Variants in NALF1 observed in about 807,000 individuals in gnomAD.
The protein encoded by NALF1 is family with sequence similarity 155 member A.
A neutral mutation model predicts 48.4 loss-of-function variants in NALF1; 3 were observed. That is an observed-to-expected ratio of 0.06 (90% confidence interval 0.03 to 0.16). NALF1 has a LOEUF of 0.16. NALF1 is among the 10% of genes least tolerant of loss of function. The probability of loss-of-function intolerance (pLI) is 1.00; values close to 1 mark genes in which losing one functional copy is unlikely to be tolerated. For synonymous variants in NALF1, 262 were observed against 245.7 expected (o/e 1.07, Z -0.62); for missense variants, 526 against 571.5 (o/e 0.92, Z 0.81).
Position 107,586,635 on chromosome 13 carries a change from A to ATTTTTTTTTTTTTTTTTTTTTTTTTT in NALF1, c.915+279046_915+279047insAAAAAAAAAAAAAAAAAAAAAAAAAA, listed in dbSNP as rs61429641. 5.0e-3 allele frequency among the ~76,000 whole-genome samples: 467 copies of ATTTTTTTTTTTTTTTTTTTTTTTTTT among 93,040 alleles called. 98 individuals carry two copies. Among genetic ancestry groups the ATTTTTTTTTTTTTTTTTTTTTTTTTT allele is most frequent in the East Asian group, 0.011 (43 of 3,742 alleles). 61.0% of individuals were successfully genotyped at this position (93,040 alleles called of 152,430 possible). ...CTACATTTAAAGCTCCCCTATGGAG[A>ATTTTTTTTTTTTTTTTTTTTTTTTTT]TTTTTTTTTTTTTTGCTAGGAATGA... On this transcript the variant is annotated intron_variant, in intron 1 of 2. Coordinates refer to ENST00000375915, the MANE Select transcript of NALF1 (RefSeq NM_001080396.3).
intron 1 of NALF1, among the ~76,000 whole-genome samples, chr13:107,321,364 A>G (rs1342651002): frequency 6.6e-6 from 1 of 152,120 alleles, no homozygotes; most frequent in Non-Finnish European, 1.5e-5. Flanking sequence ...GATATTGAGT[A>G]TTAATCATTT....
intron 1 of NALF1, among the ~76,000 whole-genome samples, chr13:107,719,034 G>A (rs1875904727): frequency 2.0e-5 from 3 of 152,298 alleles, no homozygotes; most frequent in Admixed American, 6.5e-5. Context: ...AGTTTCAACT[G>A]CTTGTATTTG....
chr13:107,311,474 T>A (rs2138904232), intron 1 of NALF1, among the ~76,000 whole-genome samples: 1 of 152,132 alleles, frequency 6.6e-6, no homozygotes. Flanking sequence ...GTTTACTGGC[T>A]TAGATGTAAA....
chr13:107,441,287 T>C (rs944239285), intron 1 of NALF1, among the ~76,000 whole-genome samples: 2 of 152,168 alleles, frequency 1.3e-5, no homozygotes, highest in Admixed American at 1.3e-4. Context: ...ACCTGAAGTA[T>C]GTAAGTCAAT....
intron 1 of NALF1, among the ~76,000 whole-genome samples, chr13:107,348,601 A>AC (rs1175433164): frequency 6.2e-5 from 8 of 128,838 alleles, no homozygotes; most frequent in Admixed American, 1.6e-4. Context: ...CTTACCTCCC[A>AC]CCCCCCGGCA....
chr13:107,592,794 T>C (rs1256007594), intron 1 of NALF1, among the ~76,000 whole-genome samples: 2 of 151,922 alleles, frequency 1.3e-5, no homozygotes, highest in Non-Finnish European at 2.9e-5. Context: ...TTTAACAGCA[T>C]TTGTAGTTAC....
At chr13:107,535,773 A>G (rs1229156327) in intron 1 of NALF1, among the ~76,000 whole-genome samples, 1 of 152,208 alleles carries the variant, frequency 6.6e-6, no homozygotes, top group African/African-American at 2.4e-5. Flanking sequence ...TGCCAAGACA[A>G]TCCTAAGCCA....
chr13:107,804,948 G>T (rs1419229436), intron 1 of NALF1, among the ~76,000 whole-genome samples: 2 of 152,144 alleles, frequency 1.3e-5, no homozygotes, highest in African/African-American at 2.4e-5. Flanking sequence ...TAATTATTTT[G>T]CTTCAAATTA....
At chr13:107,204,252 C>G (rs1444831685) in intron 2 of NALF1, among the ~76,000 whole-genome samples, 4 of 151,786 alleles carry the variant, frequency 2.6e-5, no homozygotes, top group South Asian at 2.1e-4. Context: ...CCCACACAGA[C>G]AAGCGTAAAA....
At chr13:107,352,815 C>G (rs745990939) in intron 1 of NALF1, among the ~76,000 whole-genome samples, 13 of 152,088 alleles carry the variant, frequency 8.5e-5, no homozygotes, top group Non-Finnish European at 1.3e-4. Context: ...AAGAAGAGAC[C>G]TTTTCTTTGA....
intron 1 of NALF1, among the ~76,000 whole-genome samples, chr13:107,665,762 G>A (rs977115964): frequency 6.6e-6 from 1 of 152,002 alleles, no homozygotes; most frequent in Non-Finnish European, 1.5e-5. Flanking sequence ...AATATGAGGG[G>A]ACTTCAAAAA....
At chr13:107,663,581 T>C (rs1304659484) in intron 1 of NALF1, among the ~76,000 whole-genome samples, 1 of 152,206 alleles carries the variant, frequency 6.6e-6, no homozygotes, top group Non-Finnish European at 1.5e-5. Flanking sequence ...GATTTTAATA[T>C]CTCATACCAC....
At chr13:107,241,841 T>C (rs1174488671) in intron 1 of NALF1, among the ~76,000 whole-genome samples, 1 of 152,190 alleles carries the variant, frequency 6.6e-6, no homozygotes, top group East Asian at 1.9e-4. Context: ...TATGAAGTGC[T>C]GTGCAGAGCA....
At chr13:107,406,026 A>T (rs1182335558) in intron 1 of NALF1, among the ~76,000 whole-genome samples, 3 of 152,028 alleles carry the variant, frequency 2.0e-5, no homozygotes, top group African/African-American at 7.2e-5. Flanking sequence ...CGTGGTGCCT[A>T]TCTCTCAGAC....
chr13:107,794,831 G>A (rs1168209562), intron 1 of NALF1, among the ~76,000 whole-genome samples: 1 of 152,026 alleles, frequency 6.6e-6, no homozygotes. Flanking sequence ...GTACAATGTA[G>A]TCATGTCTAA....
chr13:107,726,310 T>C (rs1043193256), intron 1 of NALF1, among the ~76,000 whole-genome samples: 2 of 152,220 alleles, frequency 1.3e-5, no homozygotes, highest in Non-Finnish European at 2.9e-5. Flanking sequence ...CAAGATGAAG[T>C]GGGACTTACA....
intron 1 of NALF1, among the ~76,000 whole-genome samples, chr13:107,376,171 G>A (rs927007726): frequency 1.9e-4 from 29 of 152,060 alleles, no homozygotes; most frequent in African/African-American, 6.3e-4. Flanking sequence ...AACTTTGCGC[G>A]CCCTTTCCTG....
chr13:107,818,479 G>A (rs2138614109), intron 1 of NALF1, among the ~76,000 whole-genome samples: 1 of 152,270 alleles, frequency 6.6e-6, no homozygotes, highest in Admixed American at 6.5e-5. Context: ...CAGTCCCAAA[G>A]ACCTCCTAAC....
At position 107,168,649 on chromosome 13, in the gene NALF1, C is replaced by G. The variant is rs1227591393; in HGVS notation, c.*1848G>C. 1 of 152,506 alleles carries G rather than the reference C, an allele frequency of 6.6e-6. No homozygotes were observed. The highest frequency in any genetic ancestry group is 2.4e-5 in the African/African-American group (1 of 41,408). 9.4% of individuals were successfully genotyped at this position (152,506 alleles called of 1,614,324 possible). A position where few individuals can be genotyped will look rare whatever the true frequency, so the allele number is the denominator to read the frequency against. ...AAAATATTGTGCATGTACTGCTAAA[C>G]AATTCTAGCAATTTTATTAAGCAAT... is the stretch of plus-strand genomic sequence containing the variant. On this transcript the variant is annotated 3_prime_UTR_variant, in exon 3 of 3. Transcript: ENST00000375915.
Sources: allele counts gnomAD v4.1 joint callset (sites outside exome capture counted in the v4.1 genomes callset), GRCh38; gene constraint gnomAD v4.1.1; transcripts MANE v1.5; gene names NCBI Gene and HGNC (gene_info 2026-07-23, HGNC 2026-07-21).